The following ADGRG2 variants were observed in gnomAD, a reference collection of about 807,000 sequenced individuals.
The protein encoded by ADGRG2 is adhesion G protein-coupled receptor G2, also known as G protein-coupled receptor 64.
Under a neutral mutation model 74.1 loss-of-function variants are expected in ADGRG2, and 26 were observed. The observed-to-expected ratio is 0.35, with a 90% CI of 0.26 to 0.49. The LOEUF is 0.49. Among genes scored for constraint, ADGRG2 ranks in the 20% least tolerant of loss-of-function variants. The pLI is 0.99. For missense variants in ADGRG2, 619 were observed against 763.1 expected (o/e 0.81, Z 2.22); for synonymous variants, 296 against 295.2 (o/e 1.00, Z -0.03).
At chrX:19,112,650 TAA>T (rs762788075) in intron 1 of ADGRG2, among the ~76,000 whole-genome samples, 11 of 86,185 alleles carry the variant, frequency 1.3e-4, no homozygotes, top group Admixed American at 2.6e-4. Context: ...AATGTTCTAT[TAA>T]AAAAAAAAAA....
chrX:19,098,070 T>A (rs1486952607), intron 1 of ADGRG2, among the ~76,000 whole-genome samples: 1 of 112,988 alleles, frequency 8.9e-6, no homozygotes, highest in East Asian at 2.8e-4. Context: ...ATTAAGATGC[T>A]CATTTTGGCA....
intron 3 of ADGRG2, among the ~76,000 whole-genome samples, chrX:19,057,685 T>A (rs1315089033): frequency 9.1e-6 from 1 of 109,434 alleles, no homozygotes; most frequent in Non-Finnish European, 1.9e-5. Flanking sequence ...ACTAAACATG[T>A]TAAAATTAGC....
chrX:19,052,040 C>G (rs1214580723), intron 3 of ADGRG2, among the ~76,000 whole-genome samples: 1 of 112,125 alleles, frequency 8.9e-6, no homozygotes, highest in African/African-American at 3.2e-5. Context: ...CACTGTATAT[C>G]TTATATTGAA....
intron 1 of ADGRG2, among the ~76,000 whole-genome samples, chrX:19,092,228 C>T (rs988499568): frequency 2.7e-5 from 3 of 112,055 alleles, no homozygotes; most frequent in African/African-American, 9.7e-5. Flanking sequence ...GATGCTTTCT[C>T]GAAATGCTTT....
Position 19,014,665 on chromosome X carries a change from A to T in ADGRG2, c.711-591T>A, listed in dbSNP as rs754352714. 1.3e-4 allele frequency among the ~76,000 whole-genome samples: 14 copies of T among 110,709 alleles called. No homozygotes were observed. In the East Asian group the frequency reaches 3.4e-3, roughly 27 times the overall value. ...ACATTTTTTTTTGAGACAGAGTCTCACTCGTCACCCAGGCTGGGGTGCAGT... is the reference window on the plus strand; with the variant it reads ...ACATTTTTTTTTGAGACAGAGTCTCTCTCGTCACCCAGGCTGGGGTGCAGT... On this transcript the variant is annotated intron_variant, in intron 15 of 28. Coordinates refer to ENST00000379869, the MANE Select transcript of ADGRG2 (RefSeq NM_001079858.3).
At chrX:19,059,670 G>A (rs1056171970) in intron 3 of ADGRG2, among the ~76,000 whole-genome samples, 1 of 103,755 alleles carries the variant, frequency 9.6e-6, no homozygotes, top group Non-Finnish European at 2.0e-5. Flanking sequence ...GTACTATGTA[G>A]TAGTACTAAA....
At chrX:19,081,000 C>T (rs1274453853) in intron 2 of ADGRG2, among the ~76,000 whole-genome samples, 2 of 110,543 alleles carry the variant, frequency 1.8e-5, no homozygotes, top group Non-Finnish European at 3.8e-5. Flanking sequence ...ATGCCAGGGA[C>T]TTGAGATACC....
intron 7 of ADGRG2, 120 bp downstream of exon 7, chrX:19,035,822 G>A (rs916560950): frequency 2.5e-6 from 1 of 406,318 alleles, no homozygotes; most frequent in East Asian, 3.9e-5. Flanking sequence ...ATGGTTGAAG[G>A]CACAGGAAAA....
chrX:19,108,838 T>G (rs1201548269), intron 1 of ADGRG2, among the ~76,000 whole-genome samples: 1 of 111,629 alleles, frequency 9.0e-6, no homozygotes, highest in Admixed American at 9.6e-5. Context: ...ATGCACAGTT[T>G]GTGAAAATTC....
intron 2 of ADGRG2, among the ~76,000 whole-genome samples, chrX:19,077,013 G>C (rs1162596523): frequency 9.0e-5 from 10 of 111,237 alleles, no homozygotes; most frequent in Non-Finnish European, 1.7e-4. Flanking sequence ...AAGTTGAGTA[G>C]ACATGTTGTA....
At position 18,999,770 on chromosome X, in the gene ADGRG2, A is replaced by G. The variant is rs972784238; in HGVS notation, c.2330+91T>C. On this transcript the variant is annotated intron_variant, in intron 25 of 28. Coordinates refer to ENST00000379869, the MANE Select transcript of ADGRG2 (RefSeq NM_001079858.3). ...TGCTGGGTTTTATTAGGATGATAGCAGGAGTCAATATGCTGATTAGATCCT... is the reference window on the plus strand; with the variant it reads ...TGCTGGGTTTTATTAGGATGATAGCGGGAGTCAATATGCTGATTAGATCCT... 124 of 576,025 alleles carry G rather than the reference A, an allele frequency of 2.2e-4. No individual in the cohort carries two copies. The East Asian group carries it at 4.1e-3, about 19-fold the overall frequency. 47.5% of individuals were successfully genotyped at this position (576,025 alleles called of 1,213,427 possible).
intron 3 of ADGRG2, among the ~76,000 whole-genome samples, chrX:19,066,616 C>T (rs1334803453): frequency 9.2e-6 from 1 of 108,760 alleles, no homozygotes; most frequent in Non-Finnish European, 1.9e-5. Context: ...CAACCATGCC[C>T]GGCTAATTTT....
intron 3 of ADGRG2, among the ~76,000 whole-genome samples, chrX:19,045,320 T>TATTATTATTATC (rs1333047576): frequency 8.4e-5 from 9 of 106,590 alleles, no homozygotes; most frequent in African/African-American, 2.7e-4. Context: ...TTATTATTAT[T>TATTATTATTATC]ATTTTGAGAC....
At chrX:19,087,331 C>A (rs752816202) in intron 1 of ADGRG2, among the ~76,000 whole-genome samples, 1 of 112,914 alleles carries the variant, frequency 8.9e-6, no homozygotes, top group East Asian at 2.8e-4. Context: ...TTGTGCCCTG[C>A]ACAAAGGCTC....
chrX:18,995,075 A>C, intron 27 of ADGRG2, 27 bp from the exon 28 acceptor site: 1 of 1,134,675 alleles, frequency 8.8e-7, no homozygotes, highest in South Asian at 2.0e-5. Context: ...ATTACAGAAA[A>C]ACAGGGCAGT....
At chrX:18,996,566 C>T (rs1467767065) in intron 26 of ADGRG2, among the ~76,000 whole-genome samples, 1 of 109,427 alleles carries the variant, frequency 9.1e-6, no homozygotes, top group Non-Finnish European at 1.9e-5. Context: ...ATCTCCTCCA[C>T]ACATCTTTCC....
intron 1 of ADGRG2, among the ~76,000 whole-genome samples, chrX:19,101,931 C>T (rs983375538): frequency 1.8e-5 from 2 of 110,496 alleles, no homozygotes; most frequent in Non-Finnish European, 3.8e-5. Flanking sequence ...GTCAGACCCA[C>T]GTGCCTGATT....
intron 6 of ADGRG2, among the ~76,000 whole-genome samples, chrX:19,036,616 AAC>A (rs534574581): frequency 0.071 from 6,714 of 94,572 alleles, 367 homozygotes; most frequent in African/African-American, 0.18. Context: ...TCATACTTAA[AAC>A]ACACACACAC....
chrX:19,005,502 T>C (rs2060209764), intron 22 of ADGRG2, among the ~76,000 whole-genome samples: 2 of 111,410 alleles, frequency 1.8e-5, no homozygotes, highest in African/African-American at 6.5e-5. Context: ...TCTTTCATGT[T>C]CAGGTATTTT....
Sources: gnomAD v4.1 joint callset for allele counts (sites outside exome capture counted in the v4.1 genomes callset) on GRCh38, gnomAD v4.1.1 for gene constraint, MANE v1.5 for transcripts, NCBI Gene and HGNC (gene_info 2026-07-23, HGNC 2026-07-21) for gene names.